The following TM2D2 variants were observed in gnomAD, a reference collection of about 807,000 sequenced individuals.
The protein encoded by TM2D2 is TM2 domain containing 2.
Under a neutral mutation model 23.0 loss-of-function variants are expected in TM2D2, and 19 were observed. That is an observed-to-expected ratio of 0.82 (90% confidence interval 0.58 to 1.21). The LOEUF (loss-of-function observed/expected upper bound fraction) is 1.21. TM2D2 is among the 50% of genes most tolerant of loss of function. TM2D2 has a pLI of 0.00. For missense variants in TM2D2, 246 were observed against 265.4 expected (o/e 0.93, Z 0.51); for synonymous variants, 120 against 108.8 (o/e 1.10, Z -0.64).
chr8:38,995,842 G>T, intron 1 of TM2D2: 1 of 1,158,418 alleles, frequency 8.6e-7, no homozygotes. Flanking sequence ...TGCCTTGTAG[G>T]CAGAGACAAG....
intron 3 of TM2D2, among the ~76,000 whole-genome samples, chr8:38,992,274 T>C (rs1454355103): frequency 8.5e-6 from 1 of 118,096 alleles, no homozygotes; most frequent in African/African-American, 3.4e-5. Context: ...CAGGCCAACC[T>C]AGGCAACATA....
chr8:38,991,101 A>T lies in TM2D2; in HGVS notation c.*231T>A, dbSNP rs926594925. ...TATCCTTTATGTTTTGTGCATGAGG[A>T]AAGGAACAAATTTGATTCCCCACAA... On this transcript the variant is annotated 3_prime_UTR_variant, in exon 4 of 4. Coordinates refer to ENST00000456397, the MANE Select transcript of TM2D2 (RefSeq NM_078473.3). 3.5e-6 allele frequency: 2 copies of T among 574,460 alleles called. No homozygotes were observed. The highest frequency in any genetic ancestry group is 3.8e-5 in the African/African-American group (2 of 53,308). 35.6% of individuals were successfully genotyped at this position (574,460 alleles called of 1,614,324 possible).
Position 38,989,810 on chromosome 8 carries a change from T to C in TM2D2, c.*1522A>G, listed in dbSNP as rs1245867968. On this transcript the variant is annotated 3_prime_UTR_variant, in exon 4 of 4. Coordinates refer to ENST00000456397, the MANE Select transcript of TM2D2 (RefSeq NM_078473.3). ...AAATATACATATGGCATCCTTGAAC[T>C]CCCTTAAACTCTTTTATTTGTATAA... 1 of 151,366 alleles carries C rather than the reference T, an allele frequency of 6.6e-6. No homozygotes were observed. Among genetic ancestry groups the C allele is most frequent in the Non-Finnish European group, 1.5e-5 (1 of 68,032 alleles). The allele number at this position is 151,366 out of a possible 1,614,324, so 9.4% of individuals were successfully genotyped here.
chr8:38,993,488 G>C (rs941607074), intron 3 of TM2D2, 57 bp downstream of exon 3: 4 of 1,276,858 alleles, frequency 3.1e-6, no homozygotes, highest in African/African-American at 1.5e-5. Context: ...AAAAAGACAA[G>C]GAAAATGGCT....
chr8:38,993,480 A>C (rs779370536), intron 3 of TM2D2, 65 bp downstream of exon 3: 22 of 1,207,290 alleles, frequency 1.8e-5, no homozygotes, highest in Non-Finnish European at 2.5e-5. Flanking sequence ...AAATAAATAA[A>C]AAGACAAGGA....
At position 38,993,666 on chromosome 8, in the gene TM2D2, G is replaced by A; in HGVS notation, c.316-6C>T. ...CTGTAGGCCTGACCGCCGAACTGTG[G>A]AATAACAACCAAGACCAAAACCAAC... On this transcript the variant is annotated splice_region_variant and splice_polypyrimidine_tract_variant and intron_variant, in intron 2 of 3. Coordinates refer to ENST00000456397, the MANE Select transcript of TM2D2 (RefSeq NM_078473.3). 1 of 1,610,564 alleles carries A rather than the reference G, an allele frequency of 6.2e-7. No homozygotes were observed. The highest frequency in any genetic ancestry group is 1.7e-4 in the Middle Eastern group (1 of 6,052).
At chr8:38,995,660 G>A (rs1339735413) in intron 1 of TM2D2, 15 of 1,367,262 alleles carry the variant, frequency 1.1e-5, no homozygotes, top group Middle Eastern at 2.6e-4. Flanking sequence ...CTTCTGCCAT[G>A]GTTTCATCTC....
chr8:38,996,480 C>G lies in TM2D2; in HGVS notation c.-41G>C, dbSNP rs200663389. On this transcript the variant is annotated 5_prime_UTR_variant, in exon 1 of 4. Coordinates refer to ENST00000456397, the MANE Select transcript of TM2D2 (RefSeq NM_078473.3). ...AGCGGAGACCCGGCCTCAACCACAA[C>G]CCCAGGCCAGCAGCACAGACCCAAG... 1 of 1,611,678 alleles carries G rather than the reference C, an allele frequency of 6.2e-7. No individual in the cohort carries two copies. The highest frequency in any genetic ancestry group is 8.5e-7 in the Non-Finnish European group (1 of 1,178,730).
In TM2D2 at chr8:38,996,415, T is replaced by A. The variant is rs1439358366; in HGVS notation, c.25A>T (p.Ser9Cys). 6.2e-7 allele frequency: 1 copy of A among 1,614,090 alleles called. No individual in the cohort carries two copies. Among genetic ancestry groups the A allele is most frequent in the South Asian group, 1.1e-5 (1 of 91,082 alleles). MVLGGCPV[S>C]YLLLCGQAAL... ...GCCTGGCCGCACAGAAGTAAGTAAC[T>A]AACCGGGCAACCACCTAGCACCATC... The change falls in exon 1 of 4, where the codon AGT (serine) becomes TGT (cysteine). Residue 9 changes from serine to cysteine, a missense_variant. Physicochemically the swap from Ser to Cys is moderately radical, Grantham distance 112 (BLOSUM62 -1). Coordinates refer to ENST00000456397, the MANE Select transcript of TM2D2 (RefSeq NM_078473.3).
intron 3 of TM2D2, 120 bp downstream of exon 3, chr8:38,993,425 C>T: frequency 1.5e-6 from 1 of 649,752 alleles, no homozygotes; most frequent in Non-Finnish European, 2.5e-6. Context: ...CACTGCACTC[C>T]AGCCTGGGTA....
Position 38,991,452 on chromosome 8 carries a change from A to C in TM2D2, c.525T>G (p.Thr175=). ...VDRFCLGHTG[T]AVGKLLTLGG... ...CAAGCGTCAACAGCTTCCCTACTGC[A>C]GTGCCAGTGTGTCCCAAACAGAATC... The change falls in exon 4 of 4, where the codon ACT becomes ACG. Residue 175 remains threonine, a synonymous_variant. Coordinates refer to ENST00000456397, the MANE Select transcript of TM2D2 (RefSeq NM_078473.3). 1.2e-6 allele frequency: 2 copies of C among 1,613,986 alleles called. No individual in the cohort carries two copies. Among genetic ancestry groups the C allele is most frequent in the Non-Finnish European group, 1.7e-6 (2 of 1,179,986 alleles).
intron 1 of TM2D2, 137 bp downstream of exon 1, chr8:38,996,076 G>T: frequency 9.4e-7 from 1 of 1,059,466 alleles, no homozygotes; most frequent in African/African-American, 1.6e-5. Flanking sequence ...CCTGGTTCAT[G>T]ATATTTGCCT....
rs780894599 is a variant in TM2D2 at position 38,996,433 on chromosome 8, G to C, written c.7C>G (p.Leu3Val). The change falls in exon 1 of 4, where the codon CTA becomes GTA. Residue 3 changes from leucine (L) to valine (V), a missense_variant. Coordinates refer to ENST00000456397, the MANE Select transcript of TM2D2 (RefSeq NM_078473.3). ...AAGTAACTAACCGGGCAACCACCTA[G>C]CACCATCTTCCCGGGCACAGGAGCG... MVLGGCPVSYLLL... is the reference protein window; with the variant it reads MVVGGCPVSYLLL... 1.2e-6 allele frequency: 2 copies of C among 1,614,012 alleles called. No individual in the cohort carries two copies. The highest frequency in any genetic ancestry group is 8.5e-7 in the Non-Finnish European group (1 of 1,179,966).
upstream of TM2D2, chr8:38,996,512 G>C (rs989275272): frequency 8.2e-6 from 13 of 1,585,048 alleles, no homozygotes; most frequent in Admixed American, 2.1e-4. Flanking sequence ...CAAGAACTGC[G>C]TGGTCAGGCC....
chr8:38,993,752 G>C lies in TM2D2; in HGVS notation c.316-92C>G, dbSNP rs1370918376. 1.4e-5 allele frequency: 12 copies of C among 878,202 alleles called. No individual in the cohort carries two copies. In the Admixed American group the frequency reaches 2.8e-4, roughly 20 times the overall value. The allele number at this position is 878,202 out of a possible 1,614,324, so 54.4% of individuals were successfully genotyped here. ...ATTCACTAATAACAGAATGAAAGCG[G>C]CCTCAGGACTACAATTATTCCAACA... On this transcript the variant is annotated intron_variant, in intron 2 of 3. Transcript: ENST00000456397.
In TM2D2 at chr8:38,996,485, G is replaced by C. The variant is rs760680277; in HGVS notation, c.-46C>G. ...AGACCCGGCCTCAACCACAACCCCAGGCCAGCAGCACAGACCCAAGAACTG... is the reference window on the plus strand; with the variant it reads ...AGACCCGGCCTCAACCACAACCCCACGCCAGCAGCACAGACCCAAGAACTG... On this transcript the variant is annotated 5_prime_UTR_variant, in exon 1 of 4. Coordinates refer to ENST00000456397, the MANE Select transcript of TM2D2 (RefSeq NM_078473.3). The C allele has an allele frequency of 5.0e-6, 8 of 1,611,008 alleles. 1 individual carries two copies. The highest frequency in any genetic ancestry group is 6.8e-6 in the Non-Finnish European group (8 of 1,178,416).
chr8:38,993,669 T>C lies in TM2D2; in HGVS notation c.316-9A>G. 2 of 1,610,050 alleles carry C rather than the reference T, an allele frequency of 1.2e-6. No homozygotes were observed. The highest frequency in any genetic ancestry group is 4.5e-5 in the East Asian group (2 of 44,820). ...TAGGCCTGACCGCCGAACTGTGGAA[T>C]AACAACCAAGACCAAAACCAACTCA... On this transcript the variant is annotated splice_polypyrimidine_tract_variant and intron_variant, in intron 2 of 3. Transcript: ENST00000456397.
At chr8:38,991,791 T>C (rs1377532610) in intron 3 of TM2D2, among the ~76,000 whole-genome samples, 1 of 152,138 alleles carries the variant, frequency 6.6e-6, no homozygotes, top group Non-Finnish European at 1.5e-5. Flanking sequence ...CTGGCAAAGA[T>C]ACCAGGGTGG....
rs952625862 is a variant in TM2D2, at chr8:38,991,038, G to A, written c.*294C>T. 3 of 432,882 alleles carry A rather than the reference G, an allele frequency of 6.9e-6. No individual in the cohort carries two copies. In the East Asian group the frequency reaches 1.4e-4, roughly 20 times the overall value. The allele number at this position is 432,882 out of a possible 1,614,324, so 26.8% of individuals were successfully genotyped here. ...AGATATAGCAATGTACAGAAAGGAA[G>A]ACTATGGAAACCCATCCACAGCTTG... is the stretch of plus-strand genomic sequence containing the variant. On this transcript the variant is annotated 3_prime_UTR_variant, in exon 4 of 4. Transcript: ENST00000456397.
Sources: allele counts gnomAD v4.1 joint callset (sites outside exome capture counted in the v4.1 genomes callset), GRCh38; gene constraint gnomAD v4.1.1; transcripts MANE v1.5; gene names NCBI Gene and HGNC (gene_info 2026-07-23, HGNC 2026-07-21).